CNTN4: variants seen among roughly 807,000 people sequenced by gnomAD.
CNTN4 encodes contactin-4.
A neutral mutation model predicts 122.5 loss-of-function variants in CNTN4; 77 were observed. The observed-to-expected ratio is 0.63, with a 90% CI of 0.52 to 0.76. CNTN4 has a LOEUF of 0.76. Among genes scored for constraint, CNTN4 ranks in the 30% least tolerant of loss-of-function variants. CNTN4 has a pLI of 0.00. For synonymous variants in CNTN4, 512 were observed against 447.0 expected (o/e 1.15, Z -1.83); for missense variants, 1,256 against 1,259.1 (o/e 1.00, Z 0.04).
chr3:2,120,055 C>T (rs1322938925), intron 2 of CNTN4, among the ~76,000 whole-genome samples: 1 of 151,560 alleles, frequency 6.6e-6, no homozygotes, highest in East Asian at 2.0e-4. Flanking sequence ...AAGTTCCAGG[C>T]AACGAAGACA....
intron 2 of CNTN4, among the ~76,000 whole-genome samples, chr3:2,155,388 G>A (rs1476103323): frequency 6.6e-6 from 1 of 152,148 alleles, no homozygotes; most frequent in African/African-American, 2.4e-5. Context: ...GGTGACTTTG[G>A]TGAGATCGGA....
chr3:2,127,615 A>C (rs562162356), intron 2 of CNTN4, among the ~76,000 whole-genome samples: 1 of 151,982 alleles, frequency 6.6e-6, no homozygotes, highest in East Asian at 1.9e-4. Flanking sequence ...CACTTTTTAC[A>C]CTCCTGCCAA....
chr3:3,015,749 T>C (rs1279029391), intron 14 of CNTN4, among the ~76,000 whole-genome samples: 4 of 152,244 alleles, frequency 2.6e-5, no homozygotes, highest in African/African-American at 9.6e-5. Flanking sequence ...TTCTTTTGCA[T>C]GTAATCACAA....
chr3:2,406,864 T>C (rs1249541145), intron 3 of CNTN4, among the ~76,000 whole-genome samples: 1 of 152,190 alleles, frequency 6.6e-6, no homozygotes, highest in Non-Finnish European at 1.5e-5. Context: ...TTATTAAGCC[T>C]CAGTTTCCCC....
At chr3:2,936,465 G>A (rs1577332834) in intron 13 of CNTN4, among the ~76,000 whole-genome samples, 1 of 152,180 alleles carries the variant, frequency 6.6e-6, no homozygotes, top group East Asian at 1.9e-4. Flanking sequence ...TGACAACGTA[G>A]CAGTGGCTTC....
chr3:2,485,910 G>A (rs151003184), intron 3 of CNTN4, among the ~76,000 whole-genome samples: 18 of 152,260 alleles, frequency 1.2e-4, no homozygotes, highest in African/African-American at 4.3e-4. Context: ...GCCAGATAAG[G>A]GAATAAAAGC....
chr3:2,936,396 G>GA (rs2094567443), intron 13 of CNTN4, among the ~76,000 whole-genome samples: 1 of 152,188 alleles, frequency 6.6e-6, no homozygotes, highest in Non-Finnish European at 1.5e-5. Flanking sequence ...GGAATTCTGA[G>GA]ATGGGGCCCA....
intron 2 of CNTN4, among the ~76,000 whole-genome samples, chr3:2,179,321 T>C (rs1575014316): frequency 6.6e-6 from 1 of 152,062 alleles, no homozygotes; most frequent in Non-Finnish European, 1.5e-5. Flanking sequence ...CCTGGTCTTC[T>C]GTTCTTTGAA....
intron 7 of CNTN4, among the ~76,000 whole-genome samples, chr3:2,832,753 T>G (rs2093131392): frequency 6.6e-6 from 1 of 152,172 alleles, no homozygotes. Flanking sequence ...CAGACACCAG[T>G]AAGTTGGAAA....
intron 2 of CNTN4, among the ~76,000 whole-genome samples, chr3:2,315,618 A>G (rs1187836905): frequency 6.6e-6 from 1 of 152,062 alleles, no homozygotes; most frequent in Non-Finnish European, 1.5e-5. Context: ...ACTGGAGAAT[A>G]TGTTGAGACA....
intron 3 of CNTN4, among the ~76,000 whole-genome samples, chr3:2,563,926 AAAAAG>A (rs1261115605): frequency 3.9e-5 from 6 of 152,238 alleles, no homozygotes; most frequent in African/African-American, 4.8e-5. Context: ...CTATAAAAAA[AAAAAG>A]AAAAGCAGTA....
chr3:2,972,821 C>T (rs563448467), intron 13 of CNTN4, among the ~76,000 whole-genome samples: 79 of 151,116 alleles, frequency 5.2e-4, no homozygotes, highest in African/African-American at 1.8e-3. Flanking sequence ...CCCTCCCCTT[C>T]ATATCCTTAT....
chr3:2,265,444 G>C (rs2041005328), intron 2 of CNTN4, among the ~76,000 whole-genome samples: 1 of 152,016 alleles, frequency 6.6e-6, no homozygotes. Flanking sequence ...CCAGTATCAT[G>C]TGGTTTGTGT....
intron 2 of CNTN4, among the ~76,000 whole-genome samples, chr3:2,265,223 G>C (rs1245379207): frequency 6.6e-6 from 1 of 151,952 alleles, no homozygotes; most frequent in East Asian, 1.9e-4. Context: ...AGTATCCCAT[G>C]GTGTATGTAA....
chr3:2,231,803 C>G (rs1326162949), intron 2 of CNTN4, among the ~76,000 whole-genome samples: 1 of 152,044 alleles, frequency 6.6e-6, no homozygotes, highest in Non-Finnish European at 1.5e-5. Context: ...ATTTGAAGTA[C>G]TCTTCAATTT....
At chr3:2,659,088 C>A (rs2083745358) in intron 4 of CNTN4, among the ~76,000 whole-genome samples, 1 of 151,124 alleles carries the variant, frequency 6.6e-6, no homozygotes. Context: ...ATGCTCTGTT[C>A]AAAAAAATCA....
In CNTN4 at chr3:2,877,010, TA is replaced by T. The variant is rs1453581249; in HGVS notation, c.653-6132del. Among the ~76,000 whole-genome samples the T allele has an allele frequency of 2.6e-5, 4 of 152,334 alleles. No homozygotes were observed. In the East Asian group the frequency reaches 7.7e-4, roughly 29 times the overall value. On this transcript the variant is annotated intron_variant, in intron 8 of 24. Coordinates refer to ENST00000418658, the MANE Select transcript of CNTN4 (RefSeq NM_175607.3). ...ATTCATAGGCTGCATCTCAACTTAC[TA>T]AATCAGAAACTCAAGCCTTTCAGTT... is the stretch of plus-strand genomic sequence containing the variant.
chr3:2,791,204 T>A (rs1436275880), intron 6 of CNTN4, among the ~76,000 whole-genome samples: 1 of 152,196 alleles, frequency 6.6e-6, no homozygotes, highest in East Asian at 1.9e-4. Flanking sequence ...ATTATTGTTA[T>A]TTTTATTATT....
intron 2 of CNTN4, among the ~76,000 whole-genome samples, chr3:2,157,870 T>C (rs1354924242): frequency 3.9e-5 from 6 of 152,352 alleles, no homozygotes; most frequent in South Asian, 2.1e-4. Flanking sequence ...AAATAAATCA[T>C]TGTTTTCATT....
Sources: gnomAD v4.1 joint callset for allele counts (sites outside exome capture counted in the v4.1 genomes callset) on GRCh38, gnomAD v4.1.1 for gene constraint, MANE v1.5 for transcripts, NCBI Gene and HGNC (gene_info 2026-07-23, HGNC 2026-07-21) for gene names.